The following LAMA2 variants were observed in gnomAD, a reference collection of about 807,000 sequenced individuals.
LAMA2 encodes the protein laminin subunit alpha-2.
A neutral mutation model predicts 364.8 loss-of-function variants in LAMA2; 269 were observed. That is an observed-to-expected ratio of 0.74 (90% CI 0.67 to 0.82). The LOEUF is 0.82. Ranked by LOEUF, LAMA2 falls within the 40% of genes least tolerant of loss-of-function variation. The pLI is 0.00. For synonymous variants in LAMA2, 1,379 were observed against 1,370.6 expected (o/e 1.01, Z -0.14); for missense variants, 3,807 against 3,873.2 (o/e 0.98, Z 0.45).
intron 34 of LAMA2, among the ~76,000 whole-genome samples, chr6:129,376,595 T>G (rs1778389271): frequency 6.6e-6 from 1 of 152,196 alleles, no homozygotes; most frequent in Non-Finnish European, 1.5e-5. Context: ...CCTGGCCATC[T>G]GCACTCCAGC....
intron 37 of LAMA2, among the ~76,000 whole-genome samples, chr6:129,398,761 A>G (rs1779802942): frequency 2.0e-5 from 3 of 152,034 alleles, no homozygotes; most frequent in African/African-American, 7.2e-5. Flanking sequence ...GGCATGAGCC[A>G]CCGTGCCTGA....
At chr6:129,165,059 A>G (rs560406753) in intron 8 of LAMA2, among the ~76,000 whole-genome samples, 19 of 152,324 alleles carry the variant, frequency 1.2e-4, no homozygotes, top group Admixed American at 1.0e-3. Context: ...AGTGAGGTAT[A>G]TAAATAAGTC....
intron 15 of LAMA2, among the ~76,000 whole-genome samples, chr6:129,263,641 T>TAAGAAAGG (rs1562392239): frequency 1.3e-5 from 2 of 151,854 alleles, no homozygotes; most frequent in Non-Finnish European, 2.9e-5. Context: ...GCACATATGA[T>TAAGAAAGG]AAGAAATGAG....
At chr6:129,293,117 GTGC>G (rs1291904834) in intron 20 of LAMA2, 2 of 982,704 alleles carry the variant, frequency 2.0e-6, no homozygotes, top group African/African-American at 3.5e-5. Context: ...TGTGTTCTGT[GTGC>G]TGTGGCTGAA....
chr6:129,057,544 A>T (rs932893573), intron 2 of LAMA2, among the ~76,000 whole-genome samples: 10 of 152,240 alleles, frequency 6.6e-5, no homozygotes, highest in African/African-American at 2.4e-4. Context: ...TCAATTTCAC[A>T]AATCGATCAC....
chr6:129,200,381 CAT>C (rs1010070445), intron 12 of LAMA2, among the ~76,000 whole-genome samples: 29 of 147,470 alleles, frequency 2.0e-4, no homozygotes, highest in Admixed American at 1.1e-3. Context: ...TATGTGTACA[CAT>C]ATACATGTGT....
At chr6:129,419,543 C>CATAGG (rs776741069) in intron 40 of LAMA2, among the ~76,000 whole-genome samples, 4 of 152,160 alleles carry the variant, frequency 2.6e-5, no homozygotes, top group Admixed American at 6.5e-5. Flanking sequence ...TAGTGGTACA[C>CATAGG]ATAGGTACTG....
At chr6:129,146,902 G>A in intron 5 of LAMA2, 57 bp from the exon 6 acceptor site, 1 of 1,041,324 alleles carries the variant, frequency 9.6e-7, no homozygotes, top group Non-Finnish European at 1.5e-6. Flanking sequence ...GTCCCCTTTT[G>A]TTACTTTGAC....
At chr6:129,038,286 A>G (rs761177439) in intron 1 of LAMA2, among the ~76,000 whole-genome samples, 1 of 152,074 alleles carries the variant, frequency 6.6e-6, no homozygotes, top group Non-Finnish European at 1.5e-5. Flanking sequence ...ATACATATTT[A>G]TTCATTTTGT....
intron 40 of LAMA2, among the ~76,000 whole-genome samples, chr6:129,422,089 C>T (rs189978736): frequency 1.2e-4 from 18 of 152,158 alleles, no homozygotes; most frequent in Middle Eastern, 3.4e-3. Context: ...TTGCCCTTGA[C>T]GAACCCTACA....
chr6:129,282,432 C>A (rs541988773), intron 18 of LAMA2, among the ~76,000 whole-genome samples: 1 of 152,236 alleles, frequency 6.6e-6, no homozygotes, highest in Non-Finnish European at 1.5e-5. Context: ...GTCTTAGAAA[C>A]ATAATCTGAG....
chr6:129,018,392 A>G (rs937126852), intron 1 of LAMA2, among the ~76,000 whole-genome samples: 2 of 151,896 alleles, frequency 1.3e-5, no homozygotes, highest in Non-Finnish European at 2.9e-5. Context: ...GGTCTTAAAT[A>G]AAAAGGAAGA....
chr6:129,227,896 C>T (rs1784419304), intron 12 of LAMA2, among the ~76,000 whole-genome samples: 2 of 152,164 alleles, frequency 1.3e-5, no homozygotes, highest in African/African-American at 2.4e-5. Flanking sequence ...TTTCTGCTGT[C>T]TTTTGTTCGG....
At chr6:129,166,270 AT>A (rs1254241592) in intron 9 of LAMA2, among the ~76,000 whole-genome samples, 3 of 152,228 alleles carry the variant, frequency 2.0e-5, no homozygotes, top group African/African-American at 7.2e-5. Flanking sequence ...AAATGCCAAC[AT>A]AACTCCTTGA....
chr6:129,440,831 T>A lies in LAMA2; in HGVS notation c.6101T>A (p.Leu2034Gln), dbSNP rs764778065. 6 of 1,613,776 alleles carry A rather than the reference T, an allele frequency of 3.7e-6. No homozygotes were observed. The highest frequency in any genetic ancestry group is 5.1e-6 in the Non-Finnish European group (6 of 1,179,860). Residue 2034 changes from leucine (L) to glutamine (Q), a missense_variant, in exon 43 of 65, where the codon CTG (leucine) becomes CAG (glutamine). This residue lies in a region of LAMA2 where 3,333 missense variants were observed against 3,345.7 expected (regional missense o/e 1.00). Coordinates refer to ENST00000421865, the MANE Select transcript of LAMA2 (RefSeq NM_000426.4). ...SAIPNDTAAK[L>Q]QAVKDKARQA... ...CTGCTGACAGATACAGCTGCTAAAC[T>A]GCAAGCTGTTAAGGACAAAGCCAGA...
At chr6:128,902,481 G>C (rs536168156) in intron 1 of LAMA2, among the ~76,000 whole-genome samples, 10 of 151,948 alleles carry the variant, frequency 6.6e-5, no homozygotes, top group Non-Finnish European at 8.8e-5. Context: ...AGAAAAATGA[G>C]AAAAAATCAA....
intron 8 of LAMA2, among the ~76,000 whole-genome samples, chr6:129,159,737 T>G (rs372942049): frequency 1.3e-5 from 2 of 149,358 alleles, no homozygotes; most frequent in South Asian, 4.1e-4. Flanking sequence ...AACTGCATAT[T>G]TTTTTATGGA....
At chr6:129,291,932 G>A (rs1471209283) in intron 20 of LAMA2, among the ~76,000 whole-genome samples, 4 of 151,668 alleles carry the variant, frequency 2.6e-5, no homozygotes, top group Admixed American at 6.6e-5. Context: ...TTTTTTTTTG[G>A]CAGTGAATGT....
At chr6:129,033,861 G>A (rs947091776) in intron 1 of LAMA2, among the ~76,000 whole-genome samples, 4 of 150,600 alleles carry the variant, frequency 2.7e-5, no homozygotes, top group African/African-American at 9.7e-5. Flanking sequence ...GTACCCTTAT[G>A]CTGGAACATT....
Sources: gnomAD v4.1 joint callset for allele counts (sites outside exome capture counted in the v4.1 genomes callset) on GRCh38, gnomAD v4.1.1 for gene constraint, gnomAD v4.1.1 regional missense constraint, MANE v1.5 for transcripts, NCBI Gene and HGNC (gene_info 2026-07-23, HGNC 2026-07-21) for gene names.